Variants in TCTN2 observed in about 807,000 individuals in gnomAD.
The protein encoded by TCTN2 is tectonic family member 2.
Under a neutral mutation model 83.4 loss-of-function variants are expected in TCTN2, and 66 were observed. The ratio of observed to expected loss-of-function variants is 0.79; its 90% CI spans 0.65 to 0.97. The LOEUF is 0.97. Ranked by LOEUF, TCTN2 falls within the 50% of genes least tolerant of loss-of-function variation. The probability of loss-of-function intolerance (pLI) is 0.00; values close to 1 mark genes in which losing one functional copy is unlikely to be tolerated. For synonymous variants in TCTN2, 301 were observed against 326.7 expected, an observed-to-expected ratio of 0.92 and a Z score of 0.85; for missense variants, 794 against 858.1, an observed-to-expected ratio of 0.93 and a Z score of 0.93.
chr12:123,699,311 T>A (rs1048254159), intron 13 of TCTN2, among the ~76,000 whole-genome samples: 1 of 151,818 alleles, frequency 6.6e-6, no homozygotes, highest in Non-Finnish European at 1.5e-5. Context: ...CATACCACCA[T>A]GCCTGGCTAA....
chr12:123,707,333 G>A (rs1956242702), intron 17 of TCTN2: 5 of 609,188 alleles, frequency 8.2e-6, no homozygotes, highest in Non-Finnish European at 1.2e-5. Context: ...TGCAACCATT[G>A]CCTCCTGGGT....
chr12:123,687,152 G>T (rs777372851), intron 6 of TCTN2, 117 bp downstream of exon 6: 29 of 1,159,244 alleles, frequency 2.5e-5, no homozygotes, highest in Non-Finnish European at 3.6e-5. Context: ...CAGAGGTTCC[G>T]TGCCTAAAGG....
intron 5 of TCTN2, among the ~76,000 whole-genome samples, chr12:123,683,060 C>G (rs1955918872): frequency 6.6e-6 from 1 of 151,050 alleles, no homozygotes. Flanking sequence ...CCCATCTGTA[C>G]TAAAATACAA....
chr12:123,674,365 G>A (rs1955794327), intron 4 of TCTN2, among the ~76,000 whole-genome samples: 1 of 151,872 alleles, frequency 6.6e-6, no homozygotes, highest in Non-Finnish European at 1.5e-5. Flanking sequence ...CCACTTCCTG[G>A]GCTTAAGCGA....
At chr12:123,695,000 C>T (rs540146722) in intron 10 of TCTN2, 24 bp downstream of exon 10, 1 of 1,611,138 alleles carries the variant, frequency 6.2e-7, no homozygotes, top group Non-Finnish European at 8.5e-7. Context: ...GGGTAGCAAG[C>T]ATGCTTTCAC....
At chr12:123,680,277 G>A (rs1955880904) in intron 5 of TCTN2, among the ~76,000 whole-genome samples, 1 of 150,692 alleles carries the variant, frequency 6.6e-6, no homozygotes, top group Admixed American at 6.6e-5. Flanking sequence ...GCTTGAACTA[G>A]GGAGGCAGAG....
intron 7 of TCTN2, 62 bp from the exon 8 acceptor site, chr12:123,690,471 G>T: frequency 6.2e-7 from 1 of 1,611,170 alleles, no homozygotes. Context: ...AAGGGATGCT[G>T]ATCTGTTTTG....
chr12:123,683,093 G>T (rs1209407309), intron 5 of TCTN2, among the ~76,000 whole-genome samples: 2 of 151,182 alleles, frequency 1.3e-5, no homozygotes, highest in Non-Finnish European at 2.9e-5. Context: ...CGTGGTGGCC[G>T]GTGCCTGTAG....
intron 9 of TCTN2, among the ~76,000 whole-genome samples, chr12:123,694,565 G>A (rs1450571692): frequency 6.6e-6 from 1 of 152,232 alleles, no homozygotes; most frequent in Non-Finnish European, 1.5e-5. Context: ...CATGCTCCAT[G>A]GCAAGCTATG....
intron 5 of TCTN2, among the ~76,000 whole-genome samples, chr12:123,681,911 T>A (rs1313036141): frequency 6.6e-6 from 1 of 152,218 alleles, no homozygotes; most frequent in African/African-American, 2.4e-5. Flanking sequence ...ATTTGTCTGT[T>A]TGGTTATAGC....
intron 15 of TCTN2, among the ~76,000 whole-genome samples, chr12:123,706,411 T>G (rs1956230387): frequency 6.6e-6 from 1 of 152,176 alleles, no homozygotes; most frequent in Admixed American, 6.6e-5. Flanking sequence ...GAAAAACAGG[T>G]GATGAACAAA....
intron 14 of TCTN2, 168 bp downstream of exon 14, chr12:123,699,978 CT>C: frequency 3.0e-6 from 2 of 674,808 alleles, no homozygotes; most frequent in Non-Finnish European, 5.4e-6. Flanking sequence ...CTTGGCATGT[CT>C]TTTTCTTCTT....
rs564412882 is a variant in TCTN2, at chr12:123,692,667, C to A, written c.1043C>A (p.Thr348Lys). 6 of 1,612,716 alleles carry A rather than the reference C, an allele frequency of 3.7e-6. No homozygotes were observed. The highest frequency in any genetic ancestry group is 5.1e-6 in the Non-Finnish European group (6 of 1,178,732). The stretch of plus-strand genomic sequence containing the variant: ...TATGTTATCTCTTTAGGCATAGTTA[C>A]ACCAAAAGTGATCTATGAGGAAGCA... ...IKNVALGGIV[T>K]PKVIYEEATD... The change falls in exon 9 of 18, where the codon ACA becomes AAA. Residue 348 changes from threonine to lysine, a missense_variant. Coordinates refer to ENST00000303372, the MANE Select transcript of TCTN2 (RefSeq NM_024809.5).
chr12:123,707,134 A>T (rs1162712739), intron 17 of TCTN2, 61 bp downstream of exon 17: 2 of 1,382,374 alleles, frequency 1.4e-6, no homozygotes, highest in African/African-American at 2.9e-5. Context: ...AATTTTTTAA[A>T]TGATGTCTAA....
intron 6 of TCTN2, among the ~76,000 whole-genome samples, chr12:123,687,355 G>A (rs1198347129): frequency 1.3e-5 from 2 of 152,108 alleles, no homozygotes; most frequent in Non-Finnish European, 2.9e-5. Context: ...TTACATCTAT[G>A]ATTTTTGTAA....
rs1229662030 is a variant in TCTN2 at position 123,686,715 on chromosome 12, T to A, written c.565-121T>A. The A allele has an allele frequency of 2.6e-4, 249 of 949,166 alleles. 1 individual carries two copies. The highest frequency in any genetic ancestry group is 3.4e-5 in the Non-Finnish European group (20 of 593,076). 58.8% of individuals were successfully genotyped at this position (949,166 alleles called of 1,614,324 possible). On this transcript the variant is annotated intron_variant, in intron 5 of 17. Transcript: ENST00000303372. ...AGGCACTTTTAGATGAGACACAGAT[T>A]ATAGGTTTTCTTGCTTACTTGGTAG...
chr12:123,679,148 A>G (rs1955862334), intron 4 of TCTN2, 41 bp from the exon 5 acceptor site: 2 of 1,528,786 alleles, frequency 1.3e-6, no homozygotes, highest in East Asian at 2.3e-5. Flanking sequence ...CTTTGTCGGA[A>G]TGTTTCTTAG....
Position 123,686,922 on chromosome 12 carries a change from G to A in TCTN2, c.651G>A (p.Gln217=). 1.2e-6 allele frequency: 2 copies of A among 1,614,192 alleles called. No homozygotes were observed. Among genetic ancestry groups the A allele is most frequent in the Non-Finnish European group, 1.7e-6 (2 of 1,180,036 alleles). Residue 217 remains glutamine (Q), a synonymous_variant, in exon 6 of 18, where the codon CAG becomes CAA. Transcript: ENST00000303372. The stretch of plus-strand genomic sequence containing the variant: ...GAGACGTCAATCCTCCTTTTGATCA[G>A]CTCTGCTCTGCTGGGACGACGACAC... ...FGGDVNPPFD[Q]LCSAGTTTRG... is the part of the protein sequence containing the mutation.
intron 14 of TCTN2, among the ~76,000 whole-genome samples, chr12:123,703,755 G>A (rs1956198162): frequency 6.6e-6 from 1 of 152,164 alleles, no homozygotes; most frequent in South Asian, 2.1e-4. Context: ...CTCCCAAAGT[G>A]CTAGGATTAT....
Sources: allele counts gnomAD v4.1 joint callset (sites outside exome capture counted in the v4.1 genomes callset), GRCh38; gene constraint gnomAD v4.1.1; transcripts MANE v1.5; gene names NCBI Gene and HGNC (gene_info 2026-07-23, HGNC 2026-07-21).